Variants in SLC13A3 observed in about 807,000 individuals in gnomAD.
SLC13A3 encodes the protein solute carrier family 13 member 3, also known as Na(+)/dicarboxylate cotransporter 3.
A neutral mutation model predicts 59.0 loss-of-function variants in SLC13A3; 40 were observed. That is an observed-to-expected ratio of 0.68 (90% CI 0.53 to 0.88). The LOEUF (loss-of-function observed/expected upper bound fraction) is 0.88. Ranked by LOEUF, SLC13A3 falls within the 40% of genes least tolerant of loss-of-function variation. The probability of loss-of-function intolerance (pLI) is 0.00; values close to 1 mark genes in which losing one functional copy is unlikely to be tolerated. For missense variants in SLC13A3, 699 were observed against 783.2 expected, an observed-to-expected ratio of 0.89 and a Z score of 1.28; for synonymous variants, 317 against 330.3, an observed-to-expected ratio of 0.96 and a Z score of 0.44.
chr20:46,670,860 A>G (rs1383406148), upstream of SLC13A3, among the ~76,000 whole-genome samples: 1 of 152,188 alleles, frequency 6.6e-6, no homozygotes, highest in Admixed American at 6.5e-5. Context: ...AAGGATGGAA[A>G]AGCAGAAAGA....
At chr20:46,565,884 T>G (rs775609137) in intron 11 of SLC13A3, among the ~76,000 whole-genome samples, 1 of 152,234 alleles carries the variant, frequency 6.6e-6, no homozygotes, top group South Asian at 2.1e-4. Context: ...CTGCTTTGCT[T>G]CCATTAGAAT....
intron 1 of SLC13A3, 75 bp from the exon 2 acceptor site, chr20:46,613,800 C>G: frequency 7.7e-7 from 1 of 1,300,776 alleles, no homozygotes; most frequent in Non-Finnish European, 1.0e-6. Flanking sequence ...GGGCTCAGGG[C>G]AGAGGGGGAA....
intron 1 of SLC13A3, among the ~76,000 whole-genome samples, chr20:46,626,274 CCCTCCTCCTCCCTTTCTCTCTCT>C (rs2062671151): frequency 6.7e-6 from 1 of 150,034 alleles, no homozygotes; most frequent in African/African-American, 2.5e-5. Context: ...TTCTCTCTCT[CCCTCCTCCTCCCTTTCTCTCTCT>C]CCTCCTCCCT....
At chr20:46,640,324 G>T (rs1350800532) in intron 1 of SLC13A3, among the ~76,000 whole-genome samples, 2 of 152,110 alleles carry the variant, frequency 1.3e-5, no homozygotes, top group East Asian at 3.9e-4. Context: ...AGAGCTAAAA[G>T]GGTGGGGAAG....
At chr20:46,645,476 G>A (rs1482106099) in intron 1 of SLC13A3, among the ~76,000 whole-genome samples, 2 of 152,196 alleles carry the variant, frequency 1.3e-5, no homozygotes, top group African/African-American at 2.4e-5. Flanking sequence ...AAATTGAGGA[G>A]CTGGGGCTAT....
rs148841062 is a variant in SLC13A3, at chr20:46,577,090, T to C, written c.1220-1405A>G. Among the ~76,000 whole-genome samples, 224 of 144,352 alleles carry C rather than the reference T, an allele frequency of 1.6e-3. 6 individuals carry two copies. Among genetic ancestry groups the C allele is most frequent in the African/African-American group, 5.5e-3 (211 of 38,562 alleles). The allele number at this position is 144,352 out of a possible 152,430, so 94.7% of individuals were successfully genotyped here. Reference sequence around the variant, plus strand: ...CAGACGTATGAAGCCCACAGATGTATGAAGCCCACAGGTGTATGCAACCTA... The same window carrying C: ...CAGACGTATGAAGCCCACAGATGTACGAAGCCCACAGGTGTATGCAACCTA... On this transcript the variant is annotated intron_variant, in intron 9 of 12. Transcript: ENST00000279027.
chr20:46,579,587 C>T (rs576584489), intron 9 of SLC13A3, among the ~76,000 whole-genome samples: 3 of 152,324 alleles, frequency 2.0e-5, no homozygotes, highest in East Asian at 1.9e-4. Context: ...AAAGGACAGG[C>T]AGTGCTCATG....
chr20:46,669,273 C>G (rs533950356), intron 1 of SLC13A3, among the ~76,000 whole-genome samples: 9 of 152,140 alleles, frequency 5.9e-5, no homozygotes, highest in African/African-American at 2.2e-4. Context: ...CCACCCCCCT[C>G]GTGGACCCCC....
At chr20:46,664,734 G>A (rs895973392) in intron 1 of SLC13A3, among the ~76,000 whole-genome samples, 15 of 152,192 alleles carry the variant, frequency 9.9e-5, no homozygotes, top group African/African-American at 3.4e-4. Context: ...AGATAAGGTG[G>A]TCAGGGAAGC....
At chr20:46,574,481 C>T (rs2062055782) in intron 10 of SLC13A3, among the ~76,000 whole-genome samples, 1 of 152,178 alleles carries the variant, frequency 6.6e-6, no homozygotes, top group Non-Finnish European at 1.5e-5. Context: ...TTGCACGCCC[C>T]GGAGAGTGAG....
At chr20:46,674,413 G>A (rs149848382), upstream of SLC13A3, among the ~76,000 whole-genome samples, 125 of 152,276 alleles carry the variant, frequency 8.2e-4, 1 homozygote, top group African/African-American at 2.7e-3. Flanking sequence ...ACTAACCCTG[G>A]GTTCTGGGCC....
intron 4 of SLC13A3, among the ~76,000 whole-genome samples, chr20:46,598,246 A>G (rs914920898): frequency 1.3e-5 from 2 of 152,206 alleles, no homozygotes; most frequent in African/African-American, 4.8e-5. Context: ...GCTGATTTCC[A>G]GTATGACAGG....
chr20:46,635,128 C>T (rs1160682269), intron 1 of SLC13A3, among the ~76,000 whole-genome samples: 1 of 152,166 alleles, frequency 6.6e-6, no homozygotes, highest in African/African-American at 2.4e-5. Context: ...CAAGGAAGAC[C>T]ACTTGCTGTT....
At chr20:46,651,258 A>G in intron 1 of SLC13A3, 53 bp downstream of exon 1, 1 of 1,433,322 alleles carries the variant, frequency 7.0e-7, no homozygotes, top group South Asian at 1.5e-5. Flanking sequence ...GGCTTGGGAG[A>G]AGAGGATCCC....
intron 1 of SLC13A3, among the ~76,000 whole-genome samples, chr20:46,639,992 G>A (rs150058639): frequency 1.3e-3 from 203 of 152,282 alleles, no homozygotes; most frequent in Middle Eastern, 0.01. Context: ...CAGTTTCTTC[G>A]TCTGCAAATG....
chr20:46,676,896 C>T (rs6066044), intron 1 of SLC13A3, among the ~76,000 whole-genome samples: 4,596 of 152,142 alleles, frequency 0.03, 133 homozygotes, highest in Non-Finnish European at 0.046. Context: ...GGAGGGGGAA[C>T]GGAGAGTAGT....
At chr20:46,671,798 C>T (rs148191885), upstream of SLC13A3, among the ~76,000 whole-genome samples, 338 of 152,260 alleles carry the variant, frequency 2.2e-3, 1 homozygote, top group African/African-American at 7.7e-3. Context: ...TCTGACTCAA[C>T]CAGTCTCTGA....
chr20:46,618,642 G>A (rs945867490), intron 1 of SLC13A3, among the ~76,000 whole-genome samples: 5 of 152,228 alleles, frequency 3.3e-5, no homozygotes, highest in Non-Finnish European at 5.9e-5. Context: ...TTGAAGCAAA[G>A]AGCAAGGCCC....
At chr20:46,665,250 A>G (rs1276833441) in intron 1 of SLC13A3, among the ~76,000 whole-genome samples, 3 of 151,868 alleles carry the variant, frequency 2.0e-5, no homozygotes, top group Non-Finnish European at 4.4e-5. Context: ...TGGGCAATAG[A>G]ATGAGACACT....
Sources: gnomAD v4.1 joint callset for allele counts (sites outside exome capture counted in the v4.1 genomes callset) on GRCh38, gnomAD v4.1.1 for gene constraint, MANE v1.5 for transcripts, NCBI Gene and HGNC (gene_info 2026-07-23, HGNC 2026-07-21) for gene names.